Variants in WWOX observed in about 807,000 individuals in gnomAD.
The protein encoded by WWOX is WW domain containing oxidoreductase, also known as WW domain-containing oxidoreductase.
Under a neutral mutation model 46.2 loss-of-function variants are expected in WWOX, and 69 were observed. The observed-to-expected ratio is 1.49, with a 90% CI of 1.23 to 1.82. WWOX has a LOEUF of 1.82. Among genes scored for constraint, WWOX ranks in the 40% most tolerant of loss-of-function variants. The probability of loss-of-function intolerance (pLI) is 0.00; values close to 1 mark genes in which losing one functional copy is unlikely to be tolerated. For synonymous variants in WWOX, 359 were observed against 202.6 expected, an observed-to-expected ratio of 1.77 and a Z score of -6.56; for missense variants, 919 against 542.6, an observed-to-expected ratio of 1.69 and a Z score of -6.89.
intron 6 of WWOX, among the ~76,000 whole-genome samples, chr16:78,397,627 C>T (rs1188490088): frequency 2.0e-5 from 3 of 152,182 alleles, no homozygotes; most frequent in Admixed American, 6.5e-5. Context: ...AACATTGTTT[C>T]TAAAGGAGAT....
rs1018020371 is a variant in WWOX at position 78,417,698 on chromosome 16, C to G, written c.606-7172C>G. Among the ~76,000 whole-genome samples the G allele has an allele frequency of 2.6e-5, 4 of 152,132 alleles. No homozygotes were observed. The South Asian group carries it at 6.2e-4, about 24-fold the overall frequency. ...TATCCCTGCTACAAATTAGTAGATTCTGCTTTGATTTGAAGCAGAGTCTAA... is the reference window on the plus strand; with the variant it reads ...TATCCCTGCTACAAATTAGTAGATTGTGCTTTGATTTGAAGCAGAGTCTAA... On this transcript the variant is annotated intron_variant, in intron 6 of 8. Coordinates refer to ENST00000566780, the MANE Select transcript of WWOX (RefSeq NM_016373.4).
intron 5 of WWOX, among the ~76,000 whole-genome samples, chr16:78,194,080 GA>G (rs1377626544): frequency 1.3e-5 from 2 of 151,348 alleles, no homozygotes; most frequent in African/African-American, 4.8e-5. Flanking sequence ...GGGTTTCACT[GA>G]AGTAGCCGGG....
chr16:78,818,312 C>G (rs1026253504), intron 8 of WWOX, among the ~76,000 whole-genome samples: 2 of 152,200 alleles, frequency 1.3e-5, no homozygotes, highest in Non-Finnish European at 2.9e-5. Context: ...TGCCCCAGCC[C>G]TGCCACACCA....
intron 8 of WWOX, among the ~76,000 whole-genome samples, chr16:79,193,978 C>T (rs1057199595): frequency 1.3e-5 from 2 of 151,676 alleles, no homozygotes; most frequent in East Asian, 3.9e-4. Flanking sequence ...TAGATTTGCA[C>T]ATGTTGCTGG....
intron 8 of WWOX, among the ~76,000 whole-genome samples, chr16:79,163,018 C>A (rs1196779915): frequency 1.3e-5 from 2 of 152,220 alleles, no homozygotes; most frequent in African/African-American, 2.4e-5. Flanking sequence ...CGCCTTTCAA[C>A]AGTCACATGC....
At chr16:79,046,987 G>C (rs936347989) in intron 8 of WWOX, among the ~76,000 whole-genome samples, 2 of 152,062 alleles carry the variant, frequency 1.3e-5, no homozygotes, top group South Asian at 2.1e-4. Flanking sequence ...ACCTGACCCC[G>C]TGGTTTAAAC....
intron 8 of WWOX, among the ~76,000 whole-genome samples, chr16:78,729,258 C>G (rs539553501): frequency 6.6e-6 from 1 of 151,846 alleles, no homozygotes; most frequent in African/African-American, 2.4e-5. Flanking sequence ...GGGAGGATTG[C>G]TTAAGCCTGG....
intron 5 of WWOX, among the ~76,000 whole-genome samples, chr16:78,229,892 T>G (rs562857277): frequency 6.6e-6 from 1 of 152,124 alleles, no homozygotes; most frequent in African/African-American, 2.4e-5. Flanking sequence ...TCTTTCTTTT[T>G]TTTTCTAAAC....
chr16:78,713,204 G>A (rs538052713), intron 8 of WWOX, among the ~76,000 whole-genome samples: 30 of 149,740 alleles, frequency 2.0e-4, no homozygotes, highest in Middle Eastern at 3.4e-3. Flanking sequence ...CCTGGTAGAG[G>A]TGGAGGCTGC....
intron 8 of WWOX, among the ~76,000 whole-genome samples, chr16:78,689,846 CTT>C (rs758428114): frequency 1.3e-5 from 2 of 151,952 alleles, no homozygotes; most frequent in Non-Finnish European, 2.9e-5. Flanking sequence ...GTCAAGGTAA[CTT>C]TGTTTTTTGT....
At chr16:78,600,935 C>A (rs3866636) in intron 8 of WWOX, among the ~76,000 whole-genome samples, 3 of 152,130 alleles carry the variant, frequency 2.0e-5, no homozygotes, top group African/African-American at 7.2e-5. Flanking sequence ...GCATCTGTAG[C>A]TTTGGAGGTA....
intron 8 of WWOX, among the ~76,000 whole-genome samples, chr16:78,540,180 A>T (rs965726799): frequency 1.1e-4 from 16 of 152,120 alleles, no homozygotes; most frequent in African/African-American, 3.4e-4. Flanking sequence ...ATAGTTAGAA[A>T]AAGCAAAATG....
At chr16:78,663,695 T>G (rs1202618826) in intron 8 of WWOX, among the ~76,000 whole-genome samples, 1 of 152,110 alleles carries the variant, frequency 6.6e-6, no homozygotes, top group Non-Finnish European at 1.5e-5. Context: ...TAAATAAAAA[T>G]AAAGTAGGGA....
intron 8 of WWOX, among the ~76,000 whole-genome samples, chr16:78,739,429 C>T (rs190067388): frequency 1.3e-5 from 2 of 152,294 alleles, no homozygotes; most frequent in South Asian, 2.1e-4. Context: ...GCACACTACA[C>T]ATCTTCGGTT....
intron 8 of WWOX, among the ~76,000 whole-genome samples, chr16:79,180,856 C>A (rs1226383006): frequency 6.6e-6 from 1 of 152,126 alleles, no homozygotes. Flanking sequence ...GAAACCTTGA[C>A]AAAATTGCTA....
At chr16:78,803,785 A>T (rs2050956986) in intron 8 of WWOX, among the ~76,000 whole-genome samples, 2 of 152,130 alleles carry the variant, frequency 1.3e-5, no homozygotes, top group South Asian at 4.1e-4. Context: ...AAGTAAAACC[A>T]CAGGGGATCT....
rs189923415 is a variant in WWOX at position 78,817,902 on chromosome 16, T to C, written c.1056+385150T>C. On this transcript the variant is annotated intron_variant, in intron 8 of 8. Coordinates refer to ENST00000566780, the MANE Select transcript of WWOX (RefSeq NM_016373.4). ...CTTTAGAAATGAGAAACCATCTCAT[T>C]GGGCTTTCCAGGAAGGAGACTCTGA... is the stretch of plus-strand genomic sequence containing the variant. 3.3e-5 allele frequency among the ~76,000 whole-genome samples: 5 copies of C among 152,300 alleles called. No individual in the cohort carries two copies. The East Asian group carries it at 9.7e-4, about 29-fold the overall frequency.
At chr16:78,735,255 A>T (rs1016654435) in intron 8 of WWOX, among the ~76,000 whole-genome samples, 1 of 151,986 alleles carries the variant, frequency 6.6e-6, no homozygotes, top group Non-Finnish European at 1.5e-5. Flanking sequence ...CTGAAACTAC[A>T]CATCAGTTCT....
chr16:78,743,871 G>C (rs925986164), intron 8 of WWOX, among the ~76,000 whole-genome samples: 1 of 152,156 alleles, frequency 6.6e-6, no homozygotes, highest in Non-Finnish European at 1.5e-5. Context: ...GACCTCTATA[G>C]GGTATTTAAA....
Sources: gnomAD v4.1 joint callset for allele counts (sites outside exome capture counted in the v4.1 genomes callset) on GRCh38, gnomAD v4.1.1 for gene constraint, MANE v1.5 for transcripts, NCBI Gene and HGNC (gene_info 2026-07-23, HGNC 2026-07-21) for gene names.